Variants in AP4E1 observed in about 807,000 individuals in gnomAD.
AP4E1 encodes the protein AP-4 complex subunit epsilon-1.
In AP4E1, 56 loss-of-function variants were observed where a neutral mutation model predicts 128.2. The observed-to-expected ratio is 0.44, with a 90% CI of 0.35 to 0.55. The LOEUF is 0.55. AP4E1 is among the 20% of genes least tolerant of loss of function. The probability of loss-of-function intolerance (pLI) is 0.00; values close to 1 mark genes in which losing one functional copy is unlikely to be tolerated. For synonymous variants in AP4E1, 484 were observed against 473.1 expected, an observed-to-expected ratio of 1.02 and a Z score of -0.30; for missense variants, 1,324 against 1,307.7, an observed-to-expected ratio of 1.01 and a Z score of -0.19.
chr15:50,913,544 A>G (rs563914051), intron 2 of AP4E1, among the ~76,000 whole-genome samples: 2 of 152,212 alleles, frequency 1.3e-5, no homozygotes, highest in African/African-American at 2.4e-5. Flanking sequence ...GTTCATGTAA[A>G]GGTTGGCTGT....
In AP4E1 at chr15:50,993,617, A is replaced by G. The variant is rs760352234; in HGVS notation, c.2338A>G (p.Ile780Val). 7 of 1,613,988 alleles carry G rather than the reference A, an allele frequency of 4.3e-6. No individual in the cohort carries two copies. In the South Asian group the frequency reaches 5.5e-5, roughly 13 times the overall value. The stretch of plus-strand genomic sequence containing the variant: ...TGTTGGTCTAGGATCAGAAAGTACA[A>G]TCAACCTGGTAAGTAATCGGTTCTA... ...LFVGLGSEST[I>V]NLLGKADTVS... is the part of the protein sequence containing the mutation. Residue 780 changes from isoleucine to valine, a missense_variant, in exon 17 of 21, where the codon ATC becomes GTC. Physicochemically the swap from Ile to Val is conservative, Grantham distance 29. Coordinates refer to ENST00000261842, the MANE Select transcript of AP4E1 (RefSeq NM_007347.5).
chr15:50,928,123 T>C (rs940131282), intron 5 of AP4E1, among the ~76,000 whole-genome samples: 1 of 152,180 alleles, frequency 6.6e-6, no homozygotes, highest in Admixed American at 6.5e-5. Context: ...ACAGATGAAC[T>C]GGGCAAAGAG....
chr15:50,935,451 A>T (rs574520115), intron 8 of AP4E1, among the ~76,000 whole-genome samples: 2 of 151,898 alleles, frequency 1.3e-5, no homozygotes, highest in African/African-American at 4.9e-5. Flanking sequence ...CTGAGAAAGT[A>T]GCCAAAAAAA....
At chr15:50,920,744 C>T (rs1041810593) in intron 3 of AP4E1, among the ~76,000 whole-genome samples, 1 of 152,004 alleles carries the variant, frequency 6.6e-6, no homozygotes, top group Non-Finnish European at 1.5e-5. Context: ...TTGTCTCATC[C>T]ACTCCTGAAT....
chr15:50,942,914 G>C (rs2064007080), intron 10 of AP4E1, among the ~76,000 whole-genome samples: 1 of 152,014 alleles, frequency 6.6e-6, no homozygotes, highest in African/African-American at 2.4e-5. Context: ...TTTAGATTCA[G>C]GGGATACATG....
rs147005786 is a variant in AP4E1 at position 50,915,479 on chromosome 15, T to A, written c.254T>A (p.Ile85Lys). The A allele has an allele frequency of 1.2e-5, 20 of 1,613,320 alleles. No homozygotes were observed. Among genetic ancestry groups the A allele is most frequent in the Non-Finnish European group, 1.6e-5 (19 of 1,179,588 alleles). The change falls in exon 3 of 21, where the codon ATA becomes AAA. Residue 85 changes from isoleucine (I) to lysine (K), a missense_variant. Ile to Lys is a moderately radical substitution (Grantham distance 102). Transcript: ENST00000261842. ...ATGAAGGAATGTATGGTGAGACTTATATATTGTGAAATGCTTGGATATGAT... is the reference window on the plus strand; with the variant it reads ...ATGAAGGAATGTATGGTGAGACTTAAATATTGTGAAATGCTTGGATATGAT... The part of the protein sequence containing the change: ...KMMKECMVRL[I>K]YCEMLGYDAS...
In AP4E1 at chr15:50,977,596, T is replaced by C. The variant is rs375644239; in HGVS notation, c.1967-6426T>C. Among the ~76,000 whole-genome samples, 4 of 152,120 alleles carry C rather than the reference T, an allele frequency of 2.6e-5. 1 individual carries two copies. On this transcript the variant is annotated intron_variant, in intron 15 of 20. Transcript: ENST00000261842. ...ACTTGTGGAATAAATTATAAAATTA[T>C]ATATCTTAGAAATGGGGTTGGCTAT...
intron 13 of AP4E1, among the ~76,000 whole-genome samples, chr15:50,956,016 G>T (rs1287305549): frequency 6.6e-6 from 1 of 152,158 alleles, no homozygotes; most frequent in Non-Finnish European, 1.5e-5. Context: ...TTTTGTCTGT[G>T]CCCATTGGCA....
chr15:50,921,131 A>G (rs1046677188), intron 3 of AP4E1, among the ~76,000 whole-genome samples: 4 of 150,888 alleles, frequency 2.7e-5, no homozygotes, highest in African/African-American at 7.3e-5. Context: ...TTTTATGAGT[A>G]TCATTGAATA....
At chr15:50,911,509 G>A (rs572079131) in intron 1 of AP4E1, among the ~76,000 whole-genome samples, 1 of 135,102 alleles carries the variant, frequency 7.4e-6, no homozygotes, top group South Asian at 2.3e-4. Context: ...TTTAGATGGA[G>A]TCTTGCTCTG....
chr15:50,943,411 A>G (rs1263816965), intron 10 of AP4E1, among the ~76,000 whole-genome samples: 2 of 152,178 alleles, frequency 1.3e-5, no homozygotes, highest in East Asian at 1.9e-4. Flanking sequence ...ATTTGCCTTC[A>G]TATATATTTA....
chr15:50,953,328 A>G (rs749409187), intron 13 of AP4E1, among the ~76,000 whole-genome samples: 3 of 152,216 alleles, frequency 2.0e-5, no homozygotes, highest in Non-Finnish European at 4.4e-5. Context: ...GGTCATGTAC[A>G]GTCGGCCCCC....
At chr15:50,976,534 A>G (rs2064553718) in intron 15 of AP4E1, among the ~76,000 whole-genome samples, 1 of 152,216 alleles carries the variant, frequency 6.6e-6, no homozygotes, top group Non-Finnish European at 1.5e-5. Context: ...TATTAGCCAG[A>G]GCAGTTAAGA....
chr15:50,917,388 G>T (rs2663554), intron 3 of AP4E1, among the ~76,000 whole-genome samples: 86,333 of 151,624 alleles, frequency 0.57, 24,759 homozygotes, highest in African/African-American at 0.62. Flanking sequence ...TTCTTTTACT[G>T]TTCTGCTTCT....
At chr15:50,946,958 G>A (rs2064070241) in intron 10 of AP4E1, among the ~76,000 whole-genome samples, 2 of 151,588 alleles carry the variant, frequency 1.3e-5, no homozygotes, top group Admixed American at 1.3e-4. Flanking sequence ...ATCACCTGAG[G>A]TCAGGAGTTC....
chr15:50,937,756 G>A (rs1014211066), intron 8 of AP4E1, among the ~76,000 whole-genome samples: 5 of 152,140 alleles, frequency 3.3e-5, no homozygotes, highest in African/African-American at 1.2e-4. Context: ...ATGAGAGAAG[G>A]TGTAGACATG....
intron 17 of AP4E1, among the ~76,000 whole-genome samples, chr15:50,996,830 T>G (rs559994704): frequency 3.5e-4 from 54 of 152,338 alleles, no homozygotes; most frequent in African/African-American, 1.3e-3. Context: ...CTACTGCCAG[T>G]TAATTCTTGA....
At chr15:50,976,851 C>T (rs188957344) in intron 15 of AP4E1, among the ~76,000 whole-genome samples, 43 of 152,178 alleles carry the variant, frequency 2.8e-4, no homozygotes, top group African/African-American at 9.9e-4. Flanking sequence ...AACCACTGAA[C>T]GTTAATGAAA....
rs757361628 is a variant in AP4E1 at position 50,997,490 on chromosome 15, T to C, written c.2511T>C (p.Asp837=). 1.2e-6 allele frequency: 2 copies of C among 1,614,086 alleles called. No homozygotes were observed. Among genetic ancestry groups the C allele is most frequent in the South Asian group, 1.1e-5 (1 of 91,072 alleles). The change falls in exon 18 of 21, where the codon GAT becomes GAC. Residue 837 remains aspartate (D), a synonymous_variant. Transcript: ENST00000261842. The stretch of plus-strand genomic sequence containing the variant: ...ATTATTATTCGAATACTTTGCACGA[T>C]ACAGGAGACAAGGAATTAAAGAAAT... ...EDDYYSNTLH[D]TGDKELKKFS...
Sources: gnomAD v4.1 joint callset for allele counts (sites outside exome capture counted in the v4.1 genomes callset) on GRCh38, gnomAD v4.1.1 for gene constraint, MANE v1.5 for transcripts, NCBI Gene and HGNC (gene_info 2026-07-23, HGNC 2026-07-21) for gene names.